SMAD5: variants seen among roughly 807,000 people sequenced by gnomAD.
SMAD5 encodes the protein MAD, mothers against decapentaplegic homolog 5.
Under a neutral mutation model 43.1 loss-of-function variants are expected in SMAD5, and 9 were observed. The ratio of observed to expected loss-of-function variants is 0.21; its 90% CI spans 0.13 to 0.36. The LOEUF is 0.36. Ranked by LOEUF, SMAD5 falls within the 10% of genes least tolerant of loss-of-function variation. SMAD5 has a pLI of 1.00. For missense variants in SMAD5, 348 were observed against 574.0 expected (o/e 0.61, Z 4.02); for synonymous variants, 190 against 192.4 (o/e 0.99, Z 0.10).
rs139726119 is a variant in SMAD5 at position 136,151,336 on chromosome 5, A to G, written c.-169-2256A>G. ...TGTTGTGAGAATGGGCTGTCATGCT[A>G]TTTTCAATCAAGTGGTCAGGGAATT... is the stretch of plus-strand genomic sequence containing the variant. On this transcript the variant is annotated intron_variant, in intron 2 of 7. Transcript: ENST00000545279. 6.6e-5 allele frequency among the ~76,000 whole-genome samples: 10 copies of G among 152,176 alleles called. No homozygotes were observed. In the East Asian group the frequency reaches 1.5e-3, roughly 24 times the overall value.
chr5:136,143,459 C>T (rs1022861131), intron 1 of SMAD5, among the ~76,000 whole-genome samples: 1 of 152,044 alleles, frequency 6.6e-6, no homozygotes, highest in Non-Finnish European at 1.5e-5. Flanking sequence ...GCACATAGAA[C>T]TACTTCTAGC....
At chr5:136,150,873 A>G (rs1002264378) in intron 2 of SMAD5, among the ~76,000 whole-genome samples, 1 of 152,002 alleles carries the variant, frequency 6.6e-6, no homozygotes, top group Non-Finnish European at 1.5e-5. Flanking sequence ...GTGACTTAGG[A>G]ACCATCATCT....
intron 6 of SMAD5, among the ~76,000 whole-genome samples, chr5:136,173,043 AT>A (rs1298967302): frequency 6.6e-6 from 1 of 152,200 alleles, no homozygotes; most frequent in Non-Finnish European, 1.5e-5. Flanking sequence ...AAGGATTAGA[AT>A]TTTATAATTA....
chr5:136,144,670 A>G (rs1016604940), intron 1 of SMAD5, among the ~76,000 whole-genome samples: 2 of 151,434 alleles, frequency 1.3e-5, no homozygotes, highest in African/African-American at 4.8e-5. Context: ...TAGGATAGGT[A>G]TGTTAGGTGG....
At chr5:136,139,715 A>C (rs1217851937) in intron 1 of SMAD5, among the ~76,000 whole-genome samples, 1 of 152,030 alleles carries the variant, frequency 6.6e-6, no homozygotes, top group Non-Finnish European at 1.5e-5. Flanking sequence ...ATTTATTTTG[A>C]GACGGAGTCT....
chr5:136,175,225 A>G (rs1754371801), intron 7 of SMAD5, among the ~76,000 whole-genome samples: 1 of 152,202 alleles, frequency 6.6e-6, no homozygotes. Flanking sequence ...CCTTTCCACA[A>G]CATGTGGGAA....
At chr5:136,161,514 G>T (rs1045499555) in intron 4 of SMAD5, among the ~76,000 whole-genome samples, 1 of 152,190 alleles carries the variant, frequency 6.6e-6, no homozygotes. Flanking sequence ...CTAGGGTAGG[G>T]CTAAGAACTA....
rs60311104 is a variant in SMAD5, at chr5:136,176,457, C to CAAAAAAAAAA, written c.1255-863_1255-854dup. Among the ~76,000 whole-genome samples, 59 of 68,506 alleles carry CAAAAAAAAAA rather than the reference C, an allele frequency of 8.6e-4. 2 individuals carry two copies. The highest frequency in any genetic ancestry group is 2.8e-3 in the African/African-American group (58 of 20,618). The allele number at this position is 68,506 out of a possible 152,430, so 44.9% of individuals were successfully genotyped here. On this transcript the variant is annotated intron_variant, in intron 7 of 7. Coordinates refer to ENST00000545279, the MANE Select transcript of SMAD5 (RefSeq NM_005903.7). ...GCAACAAGAGAGAAACTCTGTCTCACAAAAAAAAAAAAAAAAAAAAAAAAA... is the reference window on the plus strand; with the variant it reads ...GCAACAAGAGAGAAACTCTGTCTCACAAAAAAAAAAAAAAAAAAAAAAAAAAAAAAAAAAA...
intron 7 of SMAD5, among the ~76,000 whole-genome samples, chr5:136,175,033 T>G (rs1754365276): frequency 6.6e-6 from 1 of 151,724 alleles, no homozygotes; most frequent in African/African-American, 2.4e-5. Context: ...AGCCTCACAA[T>G]CATGGCGGAA....
chr5:136,144,380 G>A (rs951107756), intron 1 of SMAD5, among the ~76,000 whole-genome samples: 2 of 151,762 alleles, frequency 1.3e-5, no homozygotes, highest in Non-Finnish European at 2.9e-5. Flanking sequence ...GGTTTAATAC[G>A]GCCCTAGTAA....
At chr5:136,162,454 G>GT (rs1317886662) in intron 4 of SMAD5, among the ~76,000 whole-genome samples, 1 of 152,170 alleles carries the variant, frequency 6.6e-6, no homozygotes, top group Non-Finnish European at 1.5e-5. Flanking sequence ...AATTGGTATA[G>GT]TTTTTTCTTT....
chr5:136,137,269 G>A (rs1339279938), intron 1 of SMAD5, among the ~76,000 whole-genome samples: 1 of 101,266 alleles, frequency 9.9e-6, no homozygotes, highest in Non-Finnish European at 2.0e-5. Context: ...AATTTTTTGG[G>A]ACCCCCCCCC....
chr5:136,158,524 T>C (rs564385117), intron 3 of SMAD5, among the ~76,000 whole-genome samples: 1 of 152,280 alleles, frequency 6.6e-6, no homozygotes, highest in East Asian at 1.9e-4. Context: ...GGAAATGTGA[T>C]CCAGCAGTAG....
chr5:136,162,247 A>T (rs1331120349), intron 4 of SMAD5, among the ~76,000 whole-genome samples: 1 of 152,152 alleles, frequency 6.6e-6, no homozygotes, highest in Non-Finnish European at 1.5e-5. Flanking sequence ...GTGAGAGGAA[A>T]CTCGGGTAAC....
intron 5 of SMAD5, among the ~76,000 whole-genome samples, chr5:136,165,169 CAG>C (rs1488539822): frequency 2.0e-5 from 3 of 151,926 alleles, no homozygotes; most frequent in African/African-American, 7.3e-5. Context: ...ATTTTAGAGA[CAG>C]AGTCTTGCTC....
Position 136,153,873 on chromosome 5 carries a change from T to C in SMAD5, c.113T>C (p.Leu38Ser). 1 of 1,613,944 alleles carries C rather than the reference T, an allele frequency of 6.2e-7. No homozygotes were observed. The highest frequency in any genetic ancestry group is 8.5e-7 in the Non-Finnish European group (1 of 1,179,862). Residue 38 changes from leucine to serine, a missense_variant, in exon 3 of 8, where the codon TTG becomes TCG. Leu to Ser is a moderately radical substitution (Grantham distance 145, BLOSUM62 -2). This residue lies in a region of SMAD5 where 39 missense variants were observed against 78.5 expected (regional missense o/e 0.50). Transcript: ENST00000545279. Reference sequence around the variant, plus strand: ...TGGGCAGAAAAGGCAGTTGATGCTTTGGTGAAGAAACTAAAAAAGAAAAAG... The same window carrying C: ...TGGGCAGAAAAGGCAGTTGATGCTTCGGTGAAGAAACTAAAAAAGAAAAAG... The part of the protein sequence containing the change: ...EKWAEKAVDA[L>S]VKKLKKKKGA...
At chr5:136,152,899 C>A (rs1753515715) in intron 2 of SMAD5, 1 of 152,138 alleles carries the variant, frequency 6.6e-6, no homozygotes, top group African/African-American at 2.4e-5. Flanking sequence ...TAAAATATCA[C>A]TTAAAATAAG....
At position 136,177,102 on chromosome 5, in the gene SMAD5, G is replaced by A. The variant is rs144341926; in HGVS notation, c.1255-235G>A. Among the ~76,000 whole-genome samples the A allele has an allele frequency of 2.5e-3, 377 of 152,006 alleles. 2 individuals carry two copies. The highest frequency in any genetic ancestry group is 8.5e-3 in the African/African-American group (354 of 41,466). ...ATTATGAACTATAACTGGCTCTAAG[G>A]GTTTCTTTTAAGGGAATTATATATT... On this transcript the variant is annotated intron_variant, in intron 7 of 7. Coordinates refer to ENST00000545279, the MANE Select transcript of SMAD5 (RefSeq NM_005903.7).
intron 3 of SMAD5, among the ~76,000 whole-genome samples, chr5:136,157,764 ACTCT>A (rs1022184952): frequency 2.0e-5 from 3 of 151,984 alleles, no homozygotes; most frequent in East Asian, 1.9e-4. Context: ...AGCTTCGCTC[ACTCT>A]CTCTCACCAT....
Sources: gnomAD v4.1 joint callset for allele counts (sites outside exome capture counted in the v4.1 genomes callset) on GRCh38, gnomAD v4.1.1 for gene constraint, gnomAD v4.1.1 regional missense constraint, MANE v1.5 for transcripts, NCBI Gene and HGNC (gene_info 2026-07-23, HGNC 2026-07-21) for gene names.